TMEM131L: variants seen among roughly 807,000 people sequenced by gnomAD.
TMEM131L encodes the protein transmembrane protein 131-like.
A neutral mutation model predicts 192.2 loss-of-function variants in TMEM131L; 54 were observed. The ratio of observed to expected loss-of-function variants is 0.28; its 90% CI spans 0.23 to 0.35. The LOEUF (loss-of-function observed/expected upper bound fraction) is 0.35. Ranked by LOEUF, TMEM131L falls within the 10% of genes least tolerant of loss-of-function variation. TMEM131L has a pLI of 1.00. For synonymous variants in TMEM131L, 701 were observed against 704.9 expected, an observed-to-expected ratio of 0.99 and a Z score of 0.09; for missense variants, 1,888 against 1,972.9, an observed-to-expected ratio of 0.96 and a Z score of 0.82.
At chr4:153,580,765 T>G (rs902014372) in intron 7 of TMEM131L, 61 bp from the exon 8 acceptor site, 12 of 902,066 alleles carry the variant, frequency 1.3e-5, no homozygotes, top group Non-Finnish European at 2.2e-5. Context: ...AAATTGTTTA[T>G]TATTAGTGTG....
intron 21 of TMEM131L, among the ~76,000 whole-genome samples, chr4:153,599,278 C>T (rs1048889613): frequency 5.9e-5 from 9 of 152,090 alleles, no homozygotes; most frequent in South Asian, 2.1e-4. Context: ...GACAGCATTG[C>T]GGGAGTCGGG....
chr4:153,547,992 AT>A (rs1332132503), intron 3 of TMEM131L, among the ~76,000 whole-genome samples: 1 of 151,564 alleles, frequency 6.6e-6, no homozygotes, highest in East Asian at 1.9e-4. Flanking sequence ...TTTTCTCAAA[AT>A]TATTTTTGGT....
intron 4 of TMEM131L, among the ~76,000 whole-genome samples, chr4:153,551,055 C>T (rs1387894765): frequency 6.6e-6 from 1 of 152,228 alleles, no homozygotes; most frequent in Non-Finnish European, 1.5e-5. Flanking sequence ...TTTGGATCTT[C>T]AAGTGTTAAG....
At chr4:153,583,081 A>C (rs2150753521) in intron 9 of TMEM131L, 109 bp from the exon 10 acceptor site, 1 of 666,346 alleles carries the variant, frequency 1.5e-6, no homozygotes, top group East Asian at 2.8e-5. Context: ...TTTTTATAGA[A>C]ATGTGTAATG....
chr4:153,485,676 C>T (rs879346099), intron 3 of TMEM131L, among the ~76,000 whole-genome samples: 6 of 152,006 alleles, frequency 3.9e-5, no homozygotes, highest in East Asian at 1.9e-4. Context: ...AAACAGTGTT[C>T]GATTGGTAGT....
At chr4:153,608,197 A>C (rs1732372703) in intron 25 of TMEM131L, among the ~76,000 whole-genome samples, 1 of 152,214 alleles carries the variant, frequency 6.6e-6, no homozygotes, top group South Asian at 2.1e-4. Flanking sequence ...TGCTTCGGAG[A>C]GGCCTGTAGT....
chr4:153,577,220 C>T (rs933603409), intron 7 of TMEM131L, among the ~76,000 whole-genome samples: 43 of 152,156 alleles, frequency 2.8e-4, no homozygotes, highest in Middle Eastern at 6.8e-3. Context: ...GCAGGGAGGT[C>T]GAGACTAGGC....
At chr4:153,559,551 A>C (rs1449182892) in intron 7 of TMEM131L, among the ~76,000 whole-genome samples, 1 of 152,078 alleles carries the variant, frequency 6.6e-6, no homozygotes, top group Non-Finnish European at 1.5e-5. Context: ...ATGAAGGGAG[A>C]GAGGAAACTG....
intron 3 of TMEM131L, among the ~76,000 whole-genome samples, chr4:153,482,188 T>C (rs1731994758): frequency 6.6e-6 from 1 of 152,154 alleles, no homozygotes; most frequent in African/African-American, 2.4e-5. Flanking sequence ...GTTGTTTTTT[T>C]CTTAAAGAGG....
At chr4:153,580,290 T>C (rs1730245710) in intron 7 of TMEM131L, among the ~76,000 whole-genome samples, 1 of 152,226 alleles carries the variant, frequency 6.6e-6, no homozygotes, top group Non-Finnish European at 1.5e-5. Flanking sequence ...GTCTCTTTCA[T>C]CCATAACTCT....
chr4:153,519,471 A>C (rs1180191514), intron 3 of TMEM131L, among the ~76,000 whole-genome samples: 1 of 152,208 alleles, frequency 6.6e-6, no homozygotes, highest in Non-Finnish European at 1.5e-5. Flanking sequence ...TGTTAGGGGA[A>C]GAGCTGGGAT....
chr4:153,535,307 G>T (rs2150279632), intron 3 of TMEM131L, among the ~76,000 whole-genome samples: 1 of 152,292 alleles, frequency 6.6e-6, no homozygotes, highest in East Asian at 1.9e-4. Flanking sequence ...TTTCACACCT[G>T]TTGAGTTTTG....
chr4:153,542,128 G>T (rs139949771), intron 3 of TMEM131L, among the ~76,000 whole-genome samples: 1 of 152,352 alleles, frequency 6.6e-6, no homozygotes, highest in Non-Finnish European at 1.5e-5. Context: ...GCATTAATCT[G>T]TGGGTGATAG....
At chr4:153,622,062 C>T (rs1448831179) in intron 28 of TMEM131L, among the ~76,000 whole-genome samples, 1 of 152,196 alleles carries the variant, frequency 6.6e-6, no homozygotes, top group Non-Finnish European at 1.5e-5. Context: ...CCCCCAGCCC[C>T]CCAGTCTGGC....
chr4:153,558,651 A>T (rs1728645516), intron 7 of TMEM131L: 1 of 183,028 alleles, frequency 5.5e-6, no homozygotes, highest in Admixed American at 5.9e-5. Context: ...AGTTTCTTTA[A>T]TTTTCCTTCT....
chr4:153,487,286 C>A (rs1349283095), intron 3 of TMEM131L, among the ~76,000 whole-genome samples: 1 of 152,152 alleles, frequency 6.6e-6, no homozygotes, highest in African/African-American at 2.4e-5. Flanking sequence ...GCCTGACTTA[C>A]CACCACTGGC....
At chr4:153,635,628 T>C in intron 34 of TMEM131L, 57 bp downstream of exon 34, 1 of 1,590,854 alleles carries the variant, frequency 6.3e-7, no homozygotes. Context: ...TTGTTTCCAC[T>C]GCTTCCTTAA....
At chr4:153,494,810 C>T (rs1733047809) in intron 3 of TMEM131L, among the ~76,000 whole-genome samples, 1 of 152,168 alleles carries the variant, frequency 6.6e-6, no homozygotes, top group Non-Finnish European at 1.5e-5. Context: ...GCTAAGAGGG[C>T]CTCAGCACCA....
intron 24 of TMEM131L, 74 bp from the exon 25 acceptor site, chr4:153,603,728 A>G (rs1053322920): frequency 6.9e-6 from 10 of 1,450,524 alleles, no homozygotes; most frequent in Admixed American, 2.3e-5. Flanking sequence ...CCCTTTTCTC[A>G]TGGATATGGA....
Sources: gnomAD v4.1 joint callset for allele counts (sites outside exome capture counted in the v4.1 genomes callset) on GRCh38, gnomAD v4.1.1 for gene constraint, MANE v1.5 for transcripts, NCBI Gene and HGNC (gene_info 2026-07-23, HGNC 2026-07-21) for gene names.